Variants in SVIL observed in about 807,000 individuals in gnomAD.
SVIL encodes archvillin.
A neutral mutation model predicts 240.4 loss-of-function variants in SVIL; 101 were observed. That is an observed-to-expected ratio of 0.42 (90% CI 0.36 to 0.50). The LOEUF is 0.50. Ranked by LOEUF, SVIL falls within the 20% of genes least tolerant of loss-of-function variation. SVIL has a pLI of 0.01. For synonymous variants in SVIL, 999 were observed against 1,100.0 expected, an observed-to-expected ratio of 0.91 and a Z score of 1.82; for missense variants, 2,512 against 2,818.7, an observed-to-expected ratio of 0.89 and a Z score of 2.46.
chr10:29,518,128 C>T (rs1950333172), intron 16 of SVIL, among the ~76,000 whole-genome samples: 2 of 152,196 alleles, frequency 1.3e-5, no homozygotes, highest in African/African-American at 4.8e-5. Flanking sequence ...GTGATCACGT[C>T]TGCAATCCCA....
intron 1 of SVIL, among the ~76,000 whole-genome samples, chr10:29,693,725 G>T (rs2132620645): frequency 6.6e-6 from 1 of 152,110 alleles, no homozygotes; most frequent in East Asian, 1.9e-4. Context: ...TCTTAAATAG[G>T]AATGCCTTAC....
chr10:29,565,858 A>G (rs961556007), intron 2 of SVIL, among the ~76,000 whole-genome samples: 4 of 152,068 alleles, frequency 2.6e-5, no homozygotes, highest in Admixed American at 2.0e-4. Context: ...ATTTCACTGT[A>G]CTCCAGCCTG....
intron 3 of SVIL, among the ~76,000 whole-genome samples, chr10:29,559,325 A>G (rs1197823857): frequency 2.6e-5 from 4 of 151,996 alleles, no homozygotes; most frequent in African/African-American, 9.7e-5. Context: ...GTATATTTAC[A>G]TGTGCATATG....
intron 1 of SVIL, among the ~76,000 whole-genome samples, chr10:29,593,259 T>C (rs1319367704): frequency 6.6e-6 from 1 of 152,250 alleles, no homozygotes; most frequent in African/African-American, 2.4e-5. Flanking sequence ...AGACACAGCC[T>C]GTCCCACAGT....
rs756762237 is a variant in SVIL at position 29,480,658 on chromosome 10, A to G, written c.5256T>C (p.Val1752=). ...HDRRQFEITS[V]SVDVWHILEF... is the part of the protein sequence containing the mutation. ...CCAGGATGTGCCAGACATCCACGGA[A>G]ACGCTGGTGATCTCAAACTGCCTCC... Residue 1752 remains valine, a synonymous_variant, in exon 29 of 38, where the codon GTT becomes GTC. Coordinates refer to ENST00000355867, the MANE Select transcript of SVIL (RefSeq NM_021738.3). 2.5e-6 allele frequency: 4 copies of G among 1,614,074 alleles called. No homozygotes were observed. The highest frequency in any genetic ancestry group is 2.2e-5 in the South Asian group (2 of 91,090).
At chr10:29,472,232 A>C (rs2132315084) in intron 30 of SVIL, among the ~76,000 whole-genome samples, 1 of 152,394 alleles carries the variant, frequency 6.6e-6, no homozygotes, top group Middle Eastern at 3.4e-3. Context: ...GCATGATAAA[A>C]GCATATTCAT....
intron 7 of SVIL, among the ~76,000 whole-genome samples, chr10:29,534,883 G>A (rs750357745): frequency 6.6e-6 from 1 of 152,210 alleles, no homozygotes; most frequent in Non-Finnish European, 1.5e-5. Context: ...GTACCATGTA[G>A]TGGGAAAGGA....
At chr10:29,679,760 C>T (rs1960486231) in intron 2 of SVIL, among the ~76,000 whole-genome samples, 1 of 151,884 alleles carries the variant, frequency 6.6e-6, no homozygotes, top group African/African-American at 2.4e-5. Context: ...TTGGGTGGCA[C>T]TGCTAGAGGT....
chr10:29,565,295 G>A (rs901599433), intron 2 of SVIL, among the ~76,000 whole-genome samples: 18 of 152,238 alleles, frequency 1.2e-4, no homozygotes, highest in African/African-American at 4.3e-4. Flanking sequence ...TGAGCTTTAC[G>A]AGTCATCACC....
At chr10:29,477,152 C>T (rs565226768) in intron 29 of SVIL, among the ~76,000 whole-genome samples, 5 of 152,300 alleles carry the variant, frequency 3.3e-5, no homozygotes, top group Admixed American at 2.6e-4. Context: ...CATGAGCCAC[C>T]GTGCCCAGCC....
rs1477779163 is a variant in SVIL, at chr10:29,462,340, CAG to C, written c.6337_6338del (p.Leu2113AspfsTer17). ...AGCTGGGAAACATATTGGTGAATGT[CAG>C]GGGCTCCAGACCAGCGTGGATAAGG... The part of the protein sequence containing the change: ...SYLIHAGLEP[L>X]TFTNMFPSWE... On this transcript the variant is annotated frameshift_variant, in exon 36 of 38. Transcript: ENST00000355867. LOFTEE classifies it high-confidence loss of function. 6.2e-7 allele frequency: 1 copy of C among 1,614,074 alleles called. No individual in the cohort carries two copies. The highest frequency in any genetic ancestry group is 8.5e-7 in the Non-Finnish European group (1 of 1,180,040).
chr10:29,561,541 TC>T (rs1954469910), intron 3 of SVIL, among the ~76,000 whole-genome samples: 2 of 152,218 alleles, frequency 1.3e-5, no homozygotes, highest in African/African-American at 4.8e-5. Context: ...TTTGTTTTGA[TC>T]ATCTGCATAG....
chr10:29,507,583 A>G (rs11007631), intron 17 of SVIL, among the ~76,000 whole-genome samples: 2 of 146,048 alleles, frequency 1.4e-5, no homozygotes, highest in Non-Finnish European at 3.0e-5. Flanking sequence ...ATGGACACAC[A>G]CACAATTGTA....
chr10:29,535,853 A>T (rs1275629584), intron 7 of SVIL, 136 bp downstream of exon 7: 6 of 814,802 alleles, frequency 7.4e-6, no homozygotes, highest in South Asian at 3.3e-5. Flanking sequence ...AATGATTAGA[A>T]AGTAACTTCC....
intron 1 of SVIL, among the ~76,000 whole-genome samples, chr10:29,702,831 C>T (rs1962623320): frequency 6.6e-6 from 1 of 152,152 alleles, no homozygotes; most frequent in African/African-American, 2.4e-5. Context: ...ATCATAGATA[C>T]CTTCATTTAT....
intron 1 of SVIL, among the ~76,000 whole-genome samples, chr10:29,699,365 A>AGTGTG (rs1962329095): frequency 1.3e-5 from 2 of 151,374 alleles, no homozygotes; most frequent in East Asian, 2.0e-4. Context: ...AATGCAGTGC[A>AGTGTG]ATCTTGGCTC....
At chr10:29,589,242 G>A (rs1206060114) in intron 1 of SVIL, among the ~76,000 whole-genome samples, 3 of 152,112 alleles carry the variant, frequency 2.0e-5, no homozygotes, top group Non-Finnish European at 2.9e-5. Flanking sequence ...ACCCCATGCC[G>A]CCCTATCACA....
intron 18 of SVIL, among the ~76,000 whole-genome samples, chr10:29,497,016 A>G (rs1305303879): frequency 6.6e-6 from 1 of 152,218 alleles, no homozygotes; most frequent in Non-Finnish European, 1.5e-5. Flanking sequence ...AAACATGAGT[A>G]TCCAGTTCTG....
At chr10:29,612,148 C>T (rs3847392) in intron 1 of SVIL, among the ~76,000 whole-genome samples, 43,921 of 151,974 alleles carry the variant, frequency 0.29, 6,536 homozygotes, top group East Asian at 0.34. Flanking sequence ...AGAGAATGTG[C>T]TTCCACCCCA....
Sources: gnomAD v4.1 joint callset for allele counts (sites outside exome capture counted in the v4.1 genomes callset) on GRCh38, gnomAD v4.1.1 for gene constraint, MANE v1.5 for transcripts, NCBI Gene and HGNC (gene_info 2026-07-23, HGNC 2026-07-21) for gene names.